The following HMG20A variants were observed in gnomAD, a reference collection of about 807,000 sequenced individuals.
HMG20A encodes the protein high mobility group protein 20A.
In HMG20A, 17 loss-of-function variants were observed where a neutral mutation model predicts 43.9. The ratio of observed to expected loss-of-function variants is 0.39; its 90% CI spans 0.27 to 0.58. The LOEUF (loss-of-function observed/expected upper bound fraction) is 0.58. Ranked by LOEUF, HMG20A falls within the 20% of genes least tolerant of loss-of-function variation. HMG20A has a pLI of 0.59. For synonymous variants in HMG20A, 132 were observed against 147.5 expected, an observed-to-expected ratio of 0.89 and a Z score of 0.76; for missense variants, 341 against 438.2, an observed-to-expected ratio of 0.78 and a Z score of 1.98.
intron 1 of HMG20A, among the ~76,000 whole-genome samples, chr15:77,434,729 A>T (rs1437054112): frequency 6.6e-6 from 1 of 152,150 alleles, no homozygotes; most frequent in African/African-American, 2.4e-5. Context: ...GCTAAAATTA[A>T]AAAGATTGAG....
chr15:77,440,903 A>G (rs1321634535), intron 1 of HMG20A, among the ~76,000 whole-genome samples: 1 of 152,172 alleles, frequency 6.6e-6, no homozygotes, highest in Non-Finnish European at 1.5e-5. Context: ...TTTGTTCACT[A>G]TAAAATAGGT....
chr15:77,518,880 T>C, the HMG20A span, among the ~76,000 whole-genome samples: 2 of 152,218 alleles, frequency 1.3e-5, no homozygotes, highest in African/African-American at 4.8e-5. Context: ...ATGTGGCAGC[T>C]ATTTGCATGA....
At chr15:77,477,729 C>A in intron 7 of HMG20A, 99 bp downstream of exon 7, 1 of 733,140 alleles carries the variant, frequency 1.4e-6, no homozygotes. Context: ...AGTGTTATCC[C>A]TCCTTAGGAC....
chr15:77,487,639 T>G (rs1227373636), downstream of HMG20A, among the ~76,000 whole-genome samples: 2 of 152,184 alleles, frequency 1.3e-5, no homozygotes, highest in Non-Finnish European at 2.9e-5. Flanking sequence ...CTCTAACTGC[T>G]CAGCATCTGC....
chr15:77,432,161 T>G (rs578099750), intron 1 of HMG20A, among the ~76,000 whole-genome samples: 167 of 152,336 alleles, frequency 1.1e-3, no homozygotes, highest in African/African-American at 3.9e-3. Flanking sequence ...ATGCAACCTT[T>G]AAGTTCCTTA....
intron 2 of HMG20A, among the ~76,000 whole-genome samples, chr15:77,461,930 C>A (rs1281053066): frequency 6.6e-6 from 1 of 152,044 alleles, no homozygotes; most frequent in African/African-American, 2.4e-5. Flanking sequence ...CTCGATGGTA[C>A]CTCTTTTCAG....
chr15:77,487,864 CAGT>C (rs539118876), downstream of HMG20A, among the ~76,000 whole-genome samples: 449 of 152,196 alleles, frequency 3.0e-3, no homozygotes, highest in Non-Finnish European at 5.3e-3. Flanking sequence ...TGGATATAAG[CAGT>C]AGTTTATATG....
chr15:77,439,079 C>T (rs2073582100), intron 1 of HMG20A, among the ~76,000 whole-genome samples: 1 of 152,202 alleles, frequency 6.6e-6, no homozygotes, highest in Admixed American at 6.5e-5. Context: ...AGGCGTGAGT[C>T]ACCACGCCCG....
chr15:77,470,273 C>T (rs888262036), intron 4 of HMG20A, among the ~76,000 whole-genome samples: 1 of 152,138 alleles, frequency 6.6e-6, no homozygotes, highest in South Asian at 2.1e-4. Context: ...ACAAAATAAT[C>T]CTGGTAGATC....
chr15:77,436,862 T>C (rs2073554980), intron 1 of HMG20A, among the ~76,000 whole-genome samples: 1 of 152,188 alleles, frequency 6.6e-6, no homozygotes, highest in Non-Finnish European at 1.5e-5. Flanking sequence ...CTCCTTAAAA[T>C]TCCTCAGAGG....
intron 1 of HMG20A, among the ~76,000 whole-genome samples, chr15:77,434,749 T>C (rs1165636781): frequency 1.3e-5 from 2 of 152,142 alleles, no homozygotes; most frequent in Non-Finnish European, 2.9e-5. Flanking sequence ...GAATATCAAG[T>C]ATTGATGATG....
the HMG20A span, among the ~76,000 whole-genome samples, chr15:77,503,668 C>T: frequency 7.2e-5 from 11 of 152,342 alleles, no homozygotes; most frequent in Admixed American, 2.0e-4. Context: ...GCATGTCACA[C>T]GATTCTAGGG....
At chr15:77,447,720 G>C (rs1031657442) in intron 1 of HMG20A, 4 of 152,128 alleles carry the variant, frequency 2.6e-5, no homozygotes, top group Non-Finnish European at 4.4e-5. Flanking sequence ...CGAAAACAGA[G>C]TCTCTACAAG....
intron 5 of HMG20A, 67 bp from the exon 6 acceptor site, chr15:77,471,716 G>T: frequency 1.0e-6 from 1 of 957,476 alleles, no homozygotes; most frequent in Non-Finnish European, 1.7e-6. Flanking sequence ...TGGCAGAGTC[G>T]TATACTTGGG....
intron 1 of HMG20A, among the ~76,000 whole-genome samples, chr15:77,428,526 T>C (rs1366103187): frequency 6.6e-6 from 1 of 152,254 alleles, no homozygotes; most frequent in African/African-American, 2.4e-5. Flanking sequence ...TCATTTTTAT[T>C]GAAGTATGGT....
the HMG20A span, among the ~76,000 whole-genome samples, chr15:77,501,206 C>T: frequency 6.6e-6 from 1 of 152,320 alleles, no homozygotes; most frequent in South Asian, 2.1e-4. Flanking sequence ...GCATCCTTCC[C>T]TATGACTAAT....
Position 77,464,250 on chromosome 15 carries a change from C to T in HMG20A, c.100C>T (p.Pro34Ser). Residue 34 changes from proline to serine, a missense_variant, in exon 3 of 10, where the codon CCA becomes TCA. Physicochemically the swap from Pro to Ser is moderately conservative, Grantham distance 74. Transcript: ENST00000336216. ...NDLATTGLNH[P>S]EVPYSSGATS... is the part of the protein sequence containing the mutation. ...CTGCCTATTATTCAGGTTAAATCAC[C>T]CAGAGGTTCCATACAGTAGTGGCGC... 6.2e-7 allele frequency: 1 copy of T among 1,613,410 alleles called. No homozygotes were observed. The highest frequency in any genetic ancestry group is 8.5e-7 in the Non-Finnish European group (1 of 1,179,624).
At chr15:77,489,475 T>C (rs1362227802), downstream of HMG20A, among the ~76,000 whole-genome samples, 1 of 152,148 alleles carries the variant, frequency 6.6e-6, no homozygotes, top group African/African-American at 2.4e-5. Flanking sequence ...GTATGGTGGG[T>C]CTGAGAACTG....
chr15:77,445,688 G>A (rs758713999), intron 1 of HMG20A, among the ~76,000 whole-genome samples: 23 of 152,016 alleles, frequency 1.5e-4, no homozygotes, highest in Non-Finnish European at 2.9e-4. Flanking sequence ...CTTTGGGGCC[G>A]TTGTGAAGTA....
Sources: allele counts gnomAD v4.1 joint callset (sites outside exome capture counted in the v4.1 genomes callset), GRCh38; gene constraint gnomAD v4.1.1; transcripts MANE v1.5; gene names NCBI Gene and HGNC (gene_info 2026-07-23, HGNC 2026-07-21).